DHX40: variants seen among roughly 807,000 people sequenced by gnomAD.
DHX40 encodes the protein probable ATP-dependent RNA helicase DHX40.
A neutral mutation model predicts 89.6 loss-of-function variants in DHX40; 28 were observed. The ratio of observed to expected loss-of-function variants is 0.31; its 90% CI spans 0.23 to 0.43. The LOEUF (loss-of-function observed/expected upper bound fraction) is 0.43, where lower values mean the gene tolerates loss of function less well. DHX40 is among the 20% of genes least tolerant of loss of function. The pLI, the probability that DHX40 is intolerant of heterozygous loss-of-function variation, is 1.00. For synonymous variants in DHX40, 226 were observed against 283.6 expected (o/e 0.80, Z 2.04); for missense variants, 457 against 844.0 (o/e 0.54, Z 5.68).
intron 17 of DHX40, 51 bp downstream of exon 17, chr17:59,605,725 A>G (rs770675591): frequency 1.0e-5 from 15 of 1,502,678 alleles, no homozygotes; most frequent in Non-Finnish European, 1.4e-5. Flanking sequence ...ACTGCTTCCC[A>G]GTAGTACTTC....
chr17:59,579,679 G>GT lies in DHX40; in HGVS notation c.1161-11dup. On this transcript the variant is annotated splice_polypyrimidine_tract_variant and intron_variant, in intron 9 of 17. Coordinates refer to ENST00000251241, the MANE Select transcript of DHX40 (RefSeq NM_024612.5). ...ACAGAACATTTTGGGGAATTTTTGG[G>GT]TTTTTTTCCTTTTGTAGGAGCGAGG... 1 of 434,138 alleles carries GT rather than the reference G, an allele frequency of 2.3e-6. No individual in the cohort carries two copies. The highest frequency in any genetic ancestry group is 3.3e-6 in the Non-Finnish European group (1 of 306,658). 26.9% of individuals were successfully genotyped at this position (434,138 alleles called of 1,614,324 possible).
At chr17:59,567,240 G>A (rs2048719082) in intron 2 of DHX40, among the ~76,000 whole-genome samples, 1 of 152,130 alleles carries the variant, frequency 6.6e-6, no homozygotes, top group South Asian at 2.1e-4. Flanking sequence ...TTTAAAATAC[G>A]TTAAGTAAAG....
intron 12 of DHX40, among the ~76,000 whole-genome samples, chr17:59,593,796 A>T (rs892959879): frequency 1.1e-4 from 16 of 145,316 alleles, no homozygotes; most frequent in Non-Finnish European, 2.4e-4. Context: ...GTCTTAAATT[A>T]AAAAAAAAAA....
rs1567908243 is a variant in DHX40, at chr17:59,607,891, T to TTA, written c.*719_*720insTA. 3.3e-5 allele frequency: 5 copies of TTA among 150,038 alleles called. No individual in the cohort carries two copies. The highest frequency in any genetic ancestry group is 9.8e-5 in the African/African-American group (4 of 40,956). 9.3% of individuals were successfully genotyped at this position (150,038 alleles called of 1,614,324 possible). A position where few individuals can be genotyped will look rare whatever the true frequency, so the allele number is the denominator to read the frequency against. ...AAAGGACAGATGATATATATATATA[T>TTA]GATATATATATATATATAAGTTCTT... On this transcript the variant is annotated 3_prime_UTR_variant, in exon 18 of 18. Transcript: ENST00000251241.
In DHX40 at chr17:59,602,611, T is replaced by C. The variant is rs2030600615; in HGVS notation, c.1896T>C (p.Ala632=). ...CLCAGYFKNV[A]RRSVGRTFCT... ...GTGCGGGCTATTTCAAAAATGTAGC[T>C]CGAAGGTAAGCAATAAAGACTTGAG... The change falls in exon 15 of 18, where the codon GCT becomes GCC. Residue 632 remains alanine, a synonymous_variant. Transcript: ENST00000251241. 10 of 1,613,518 alleles carry C rather than the reference T, an allele frequency of 6.2e-6. No homozygotes were observed. Among genetic ancestry groups the C allele is most frequent in the Non-Finnish European group, 8.5e-6 (10 of 1,179,610 alleles).
At chr17:59,605,412 G>A in intron 16 of DHX40, 34 bp from the exon 17 acceptor site, 1 of 1,588,334 alleles carries the variant, frequency 6.3e-7, no homozygotes, top group Non-Finnish European at 8.6e-7. Flanking sequence ...GCAGGTTATT[G>A]AGTTACCATC....
intron 3 of DHX40, among the ~76,000 whole-genome samples, chr17:59,572,187 A>G (rs934103032): frequency 3.3e-5 from 5 of 152,144 alleles, no homozygotes; most frequent in African/African-American, 9.7e-5. Context: ...CTACAAAACG[A>G]TCCCTGGTTT....
At chr17:59,594,068 G>T (rs1027896785) in intron 12 of DHX40, among the ~76,000 whole-genome samples, 12 of 152,328 alleles carry the variant, frequency 7.9e-5, no homozygotes, top group African/African-American at 2.9e-4. Context: ...CAGCCAAGGA[G>T]TCGAGGCTCA....
chr17:59,568,230 A>G (rs1480044975), intron 2 of DHX40, among the ~76,000 whole-genome samples: 1 of 152,204 alleles, frequency 6.6e-6, no homozygotes, highest in Non-Finnish European at 1.5e-5. Flanking sequence ...TCTGTGTCAA[A>G]AAAAATAAAT....
chr17:59,594,740 G>A (rs2029910936), intron 12 of DHX40, among the ~76,000 whole-genome samples: 1 of 152,110 alleles, frequency 6.6e-6, no homozygotes, highest in South Asian at 2.1e-4. Flanking sequence ...TATCTGTTAT[G>A]CTTTGATCTT....
At chr17:59,566,274 G>C (rs1370759101) in intron 1 of DHX40, among the ~76,000 whole-genome samples, 3 of 152,186 alleles carry the variant, frequency 2.0e-5, no homozygotes, top group Non-Finnish European at 4.4e-5. Context: ...AGAATTTTCT[G>C]CTGTGTTCCA....
At chr17:59,576,494 T>C (rs1265294173) in intron 7 of DHX40, among the ~76,000 whole-genome samples, 1 of 152,206 alleles carries the variant, frequency 6.6e-6, no homozygotes, top group Admixed American at 6.5e-5. Flanking sequence ...ATTGGGTGAT[T>C]CTTATCCCTA....
At chr17:59,583,724 C>CA (rs1352107158) in intron 10 of DHX40, among the ~76,000 whole-genome samples, 11 of 97,792 alleles carry the variant, frequency 1.1e-4, no homozygotes, top group African/African-American at 3.0e-4. Flanking sequence ...ACTAAAAATA[C>CA]AAAAAATTAG....
At chr17:59,590,089 A>G (rs1295984128) in intron 12 of DHX40, among the ~76,000 whole-genome samples, 1 of 151,312 alleles carries the variant, frequency 6.6e-6, no homozygotes, top group East Asian at 1.9e-4. Context: ...TTTTTTTTGT[A>G]GGATCAAAAG....
At chr17:59,566,526 C>A in intron 1 of DHX40, 101 bp from the exon 2 acceptor site, 1 of 1,171,522 alleles carries the variant, frequency 8.5e-7, no homozygotes, top group East Asian at 2.8e-5. Context: ...TGATCCCGTC[C>A]AGCCCTAAAA....
chr17:59,576,940 G>C, intron 7 of DHX40: 1 of 310,108 alleles, frequency 3.2e-6, no homozygotes, highest in South Asian at 2.8e-5. Context: ...CGCGATCTTG[G>C]CTCACTGCAA....
At chr17:59,605,696 C>A in intron 17 of DHX40, 22 bp downstream of exon 17, 1 of 1,588,236 alleles carries the variant, frequency 6.3e-7, no homozygotes. Flanking sequence ...ATTTGTTCTA[C>A]TCTTAACCAC....
chr17:59,572,337 A>G (rs1299336196), intron 3 of DHX40, among the ~76,000 whole-genome samples: 1 of 151,780 alleles, frequency 6.6e-6, no homozygotes, highest in Non-Finnish European at 1.5e-5. Context: ...TGTTATTCCT[A>G]CCCTTTGGAC....
chr17:59,571,652 G>T (rs920408619), intron 3 of DHX40, among the ~76,000 whole-genome samples: 2 of 150,546 alleles, frequency 1.3e-5, no homozygotes, highest in South Asian at 4.2e-4. Context: ...GTGCAGTGGC[G>T]CAACCTCCAC....
Sources: gnomAD v4.1 joint callset for allele counts (sites outside exome capture counted in the v4.1 genomes callset) on GRCh38, gnomAD v4.1.1 for gene constraint, MANE v1.5 for transcripts, NCBI Gene and HGNC (gene_info 2026-07-23, HGNC 2026-07-21) for gene names.